Variants in CNTNAP5 observed in about 807,000 individuals in gnomAD.
CNTNAP5 encodes the protein contactin associated protein family member 5, also known as contactin-associated protein-like 5.
Under a neutral mutation model 150.2 loss-of-function variants are expected in CNTNAP5, and 72 were observed. The observed-to-expected ratio is 0.48, with a 90% CI of 0.40 to 0.58. The LOEUF (loss-of-function observed/expected upper bound fraction) is 0.58. Ranked by LOEUF, CNTNAP5 falls within the 20% of genes least tolerant of loss-of-function variation. The pLI, the probability that CNTNAP5 is intolerant of heterozygous loss-of-function variation, is 0.00. For synonymous variants in CNTNAP5, 672 were observed against 619.8 expected, an observed-to-expected ratio of 1.08 and a Z score of -1.25; for missense variants, 1,636 against 1,626.2, an observed-to-expected ratio of 1.01 and a Z score of -0.10.
intron 14 of CNTNAP5, among the ~76,000 whole-genome samples, chr2:124,758,176 A>C (rs1260517690): frequency 6.6e-6 from 1 of 152,132 alleles, no homozygotes; most frequent in African/African-American, 2.4e-5. Flanking sequence ...AGAGATATGA[A>C]GAAGGTGAAA....
At chr2:124,159,196 G>C in intron 1 of CNTNAP5, among the ~76,000 whole-genome samples, 1 of 152,124 alleles carries the variant, frequency 6.6e-6, no homozygotes, top group East Asian at 1.9e-4. Flanking sequence ...TGTTTTGGTT[G>C]TTTCTTTTTA....
At chr2:124,073,270 T>C (rs1438666240) in intron 1 of CNTNAP5, among the ~76,000 whole-genome samples, 1 of 152,048 alleles carries the variant, frequency 6.6e-6, no homozygotes, top group African/African-American at 2.4e-5. Context: ...CAAGAAAACA[T>C]TGGAGAAACT....
chr2:124,353,327 C>G (rs1161165038), intron 3 of CNTNAP5, among the ~76,000 whole-genome samples: 1 of 148,116 alleles, frequency 6.8e-6, no homozygotes, highest in Non-Finnish European at 1.5e-5. Flanking sequence ...GCCATTACAG[C>G]ACCATAAGAA....
At chr2:124,904,166 C>T (rs889052512) in intron 22 of CNTNAP5, among the ~76,000 whole-genome samples, 3 of 151,952 alleles carry the variant, frequency 2.0e-5, no homozygotes, top group Admixed American at 6.6e-5. Context: ...TGACAACCGC[C>T]GTTCTCTCTG....
intron 6 of CNTNAP5, among the ~76,000 whole-genome samples, chr2:124,452,207 A>C (rs1384049497): frequency 6.6e-6 from 1 of 152,098 alleles, no homozygotes; most frequent in East Asian, 1.9e-4. Flanking sequence ...AGGGTGGGGC[A>C]CGGTGAGAGT....
intron 13 of CNTNAP5, among the ~76,000 whole-genome samples, chr2:124,701,486 T>C (rs931569602): frequency 6.6e-6 from 1 of 152,230 alleles, no homozygotes; most frequent in African/African-American, 2.4e-5. Context: ...GCTGTAAGCA[T>C]GGGAGATCAG....
intron 13 of CNTNAP5, among the ~76,000 whole-genome samples, chr2:124,719,312 T>C (rs892359727): frequency 2.0e-5 from 3 of 152,192 alleles, no homozygotes; most frequent in African/African-American, 7.2e-5. Context: ...TAATTCCTCA[T>C]TGTCTCTTGT....
intron 13 of CNTNAP5, among the ~76,000 whole-genome samples, chr2:124,743,866 A>T (rs894730980): frequency 3.3e-5 from 5 of 152,252 alleles, no homozygotes; most frequent in Admixed American, 6.5e-5. Flanking sequence ...CATAGATTCT[A>T]AAAAAATGCC....
chr2:124,500,452 T>C (rs970264306), intron 7 of CNTNAP5, among the ~76,000 whole-genome samples: 9 of 152,134 alleles, frequency 5.9e-5, no homozygotes, highest in Non-Finnish European at 1.3e-4. Context: ...GAAAATTACT[T>C]AGAGGTAGGG....
intron 1 of CNTNAP5, among the ~76,000 whole-genome samples, chr2:124,147,699 C>A (rs1452050153): frequency 6.6e-6 from 1 of 152,194 alleles, no homozygotes; most frequent in Non-Finnish European, 1.5e-5. Flanking sequence ...ACGGCTCTAA[C>A]TAGCTCTGTT....
intron 1 of CNTNAP5, among the ~76,000 whole-genome samples, chr2:124,156,553 T>C (rs574365695): frequency 3.3e-5 from 5 of 152,300 alleles, no homozygotes; most frequent in African/African-American, 9.6e-5. Context: ...TGGATTGCAA[T>C]GCTGTGGTCT....
intron 19 of CNTNAP5, among the ~76,000 whole-genome samples, chr2:124,817,120 G>A (rs1682381426): frequency 6.6e-6 from 1 of 152,060 alleles, no homozygotes; most frequent in African/African-American, 2.4e-5. Flanking sequence ...AAACAAAATT[G>A]ATAAATCTCA....
chr2:124,711,981 A>G (rs1460888874), intron 13 of CNTNAP5, among the ~76,000 whole-genome samples: 3 of 152,274 alleles, frequency 2.0e-5, no homozygotes, highest in East Asian at 3.9e-4. Flanking sequence ...CCAGCATCTC[A>G]ACAGAAAGAA....
chr2:124,907,585 ATATC>A (rs769275480), intron 22 of CNTNAP5, among the ~76,000 whole-genome samples: 3 of 149,020 alleles, frequency 2.0e-5, no homozygotes, highest in Non-Finnish European at 4.5e-5. Context: ...AATTATATCT[ATATC>A]TATATTTATA....
At chr2:124,456,234 C>T (rs1203219697) in intron 6 of CNTNAP5, among the ~76,000 whole-genome samples, 1 of 151,958 alleles carries the variant, frequency 6.6e-6, no homozygotes, top group African/African-American at 2.4e-5. Context: ...ATAAAAAAAT[C>T]AATGTAGCTC....
intron 3 of CNTNAP5, among the ~76,000 whole-genome samples, chr2:124,374,879 A>G (rs1690608347): frequency 6.6e-6 from 1 of 152,092 alleles, no homozygotes; most frequent in Non-Finnish European, 1.5e-5. Flanking sequence ...TTGAAGGCCT[A>G]TCTCAAGGAC....
At chr2:124,904,064 AC>A (rs61680935) in intron 22 of CNTNAP5, among the ~76,000 whole-genome samples, 1,584 of 143,902 alleles carry the variant, frequency 0.011, 119 homozygotes, top group African/African-American at 0.041. Context: ...AAAAAAAAAA[AC>A]AAAAAAAAAA....
At chr2:124,643,877 T>C (rs1316196591) in intron 12 of CNTNAP5, among the ~76,000 whole-genome samples, 1 of 152,228 alleles carries the variant, frequency 6.6e-6, no homozygotes. Flanking sequence ...ACCTGTTTCA[T>C]GGTCTTATTG....
intron 17 of CNTNAP5, among the ~76,000 whole-genome samples, chr2:124,776,637 TGCCTCATGAAGATA>T (rs1681330639): frequency 6.6e-6 from 1 of 152,176 alleles, no homozygotes; most frequent in South Asian, 2.1e-4. Flanking sequence ...TGCTTGTGAG[TGCCTCATGAAGATA>T]GCCTTCCTGA....
Sources: allele counts gnomAD v4.1 joint callset (sites outside exome capture counted in the v4.1 genomes callset), GRCh38; gene constraint gnomAD v4.1.1; transcripts MANE v1.5; gene names NCBI Gene and HGNC (gene_info 2026-07-23, HGNC 2026-07-21).